Variants in COG5 observed in about 807,000 individuals in gnomAD.
COG5 encodes conserved oligomeric Golgi complex subunit 5.
Under a neutral mutation model 110.4 loss-of-function variants are expected in COG5, and 86 were observed. That is an observed-to-expected ratio of 0.78 (90% CI 0.65 to 0.93). The LOEUF is 0.93. Among genes scored for constraint, COG5 ranks in the 40% least tolerant of loss-of-function variants. The pLI, the probability that COG5 is intolerant of heterozygous loss-of-function variation, is 0.00. For synonymous variants in COG5, 360 were observed against 334.6 expected (o/e 1.08, Z -0.83); for missense variants, 1,077 against 987.0 (o/e 1.09, Z -1.22).
intron 6 of COG5, among the ~76,000 whole-genome samples, chr7:107,419,424 A>G (rs1458975155): frequency 6.6e-6 from 1 of 152,114 alleles, no homozygotes; most frequent in East Asian, 1.9e-4. Flanking sequence ...GAATGAATGA[A>G]TTACAAAAAA....
intron 7 of COG5, among the ~76,000 whole-genome samples, chr7:107,408,491 G>C (rs912625492): frequency 3.3e-5 from 5 of 152,216 alleles, no homozygotes; most frequent in Admixed American, 6.5e-5. Context: ...GAATGAGCTT[G>C]CTCAATATAC....
chr7:107,399,553 C>A (rs1791273209), intron 7 of COG5, among the ~76,000 whole-genome samples: 1 of 152,190 alleles, frequency 6.6e-6, no homozygotes, highest in African/African-American at 2.4e-5. Flanking sequence ...GCCTCATCCC[C>A]TTCTGCCATG....
chr7:107,278,115 C>T (rs903500357), intron 14 of COG5, among the ~76,000 whole-genome samples: 2 of 152,134 alleles, frequency 1.3e-5, no homozygotes, highest in East Asian at 1.9e-4. Context: ...AAAAGCTGTT[C>T]GATGTACATT....
At chr7:107,320,420 T>C (rs149698762) in intron 11 of COG5, among the ~76,000 whole-genome samples, 10 of 152,342 alleles carry the variant, frequency 6.6e-5, no homozygotes, top group African/African-American at 2.4e-4. Flanking sequence ...CAAACATCCA[T>C]GGAAAACTGG....
intron 5 of COG5, among the ~76,000 whole-genome samples, chr7:107,544,345 G>T (rs773519331): frequency 1.3e-5 from 2 of 152,192 alleles, no homozygotes; most frequent in Non-Finnish European, 2.9e-5. Flanking sequence ...CCAAGTGCCA[G>T]GTCAGCTCCC....
chr7:107,201,488 AAG>A lies in COG5; in HGVS notation c.*2026_*2027del. On this transcript the variant is annotated 3_prime_UTR_variant, in exon 22 of 22. Transcript: ENST00000297135. ...TGCATATACATTGACTCTTGATGGAAAGACTTAAGAAGATCAAGGTCTCACCA... is the reference window on the plus strand; with the variant it reads ...TGCATATACATTGACTCTTGATGGAAACTTAAGAAGATCAAGGTCTCACCA... 1 of 1,059,330 alleles carries A rather than the reference AAG, an allele frequency of 9.4e-7. No individual in the cohort carries two copies. The highest frequency in any genetic ancestry group is 1.5e-6 in the Non-Finnish European group (1 of 685,408). The allele number at this position is 1,059,330 out of a possible 1,614,324, so 65.6% of individuals were successfully genotyped here.
intron 6 of COG5, among the ~76,000 whole-genome samples, chr7:107,526,232 A>G (rs979836107): frequency 6.6e-6 from 1 of 152,344 alleles, no homozygotes; most frequent in South Asian, 2.1e-4. Context: ...CTGAGCCTAC[A>G]AAGTACAAAT....
At chr7:107,393,475 G>T (rs1440176225) in intron 7 of COG5, among the ~76,000 whole-genome samples, 1 of 152,198 alleles carries the variant, frequency 6.6e-6, no homozygotes, top group Non-Finnish European at 1.5e-5. Flanking sequence ...TAGACCTACT[G>T]ATTTTATTTT....
intron 6 of COG5, among the ~76,000 whole-genome samples, chr7:107,509,156 G>C (rs574621839): frequency 2.0e-5 from 3 of 152,070 alleles, no homozygotes; most frequent in Non-Finnish European, 4.4e-5. Flanking sequence ...TGAAAAAAAA[G>C]TAGACGAATG....
At chr7:107,304,300 C>T (rs540357173) in intron 11 of COG5, among the ~76,000 whole-genome samples, 4 of 152,236 alleles carry the variant, frequency 2.6e-5, no homozygotes, top group East Asian at 3.9e-4. Context: ...TATTCCAGTA[C>T]CTTCTTTTAT....
At chr7:107,305,609 G>C (rs2116959498) in intron 11 of COG5, among the ~76,000 whole-genome samples, 1 of 152,154 alleles carries the variant, frequency 6.6e-6, no homozygotes, top group South Asian at 2.1e-4. Context: ...CCTCTCACAA[G>C]GCTGTCATCA....
At chr7:107,506,809 C>A (rs983371955) in intron 6 of COG5, among the ~76,000 whole-genome samples, 20 of 152,362 alleles carry the variant, frequency 1.3e-4, no homozygotes, top group Non-Finnish European at 1.6e-4. Flanking sequence ...GGCTACAGGA[C>A]ACTTGCCACT....
chr7:107,518,584 T>C (rs1390568443), intron 6 of COG5, among the ~76,000 whole-genome samples: 1 of 152,070 alleles, frequency 6.6e-6, no homozygotes, highest in African/African-American at 2.4e-5. Flanking sequence ...TAATCATAAA[T>C]GGATCAATTC....
chr7:107,557,104 G>C (rs769797304), intron 2 of COG5, among the ~76,000 whole-genome samples: 2 of 152,062 alleles, frequency 1.3e-5, no homozygotes, highest in Non-Finnish European at 2.9e-5. Flanking sequence ...AATAAAGATT[G>C]AAATCAAATG....
At chr7:107,538,389 A>C (rs762994501) in intron 5 of COG5, among the ~76,000 whole-genome samples, 23 of 152,124 alleles carry the variant, frequency 1.5e-4, no homozygotes, top group Non-Finnish European at 2.5e-4. Flanking sequence ...TATAAAACTC[A>C]ACTGCATTTC....
At chr7:107,439,008 A>G (rs1227782415) in intron 6 of COG5, among the ~76,000 whole-genome samples, 2 of 152,010 alleles carry the variant, frequency 1.3e-5, no homozygotes, top group African/African-American at 2.4e-5. Flanking sequence ...TTTGAATCTC[A>G]TATCATCAAA....
At chr7:107,415,235 T>C (rs1792634279) in intron 6 of COG5, among the ~76,000 whole-genome samples, 1 of 152,122 alleles carries the variant, frequency 6.6e-6, no homozygotes, top group East Asian at 1.9e-4. Flanking sequence ...ATGAGGAGGG[T>C]AAATCTTCAT....
chr7:107,255,455 T>C (rs1192396537), intron 16 of COG5, among the ~76,000 whole-genome samples: 2 of 152,064 alleles, frequency 1.3e-5, no homozygotes, highest in Non-Finnish European at 1.5e-5. Flanking sequence ...TAAATCCTCA[T>C]TCCCTGTAAA....
chr7:107,272,650 T>C (rs1804372808), intron 14 of COG5, among the ~76,000 whole-genome samples: 1 of 152,216 alleles, frequency 6.6e-6, no homozygotes, highest in Non-Finnish European at 1.5e-5. Context: ...TCCTAGGATC[T>C]ACAGATCCCC....
Sources: gnomAD v4.1 joint callset for allele counts (sites outside exome capture counted in the v4.1 genomes callset) on GRCh38, gnomAD v4.1.1 for gene constraint, MANE v1.5 for transcripts, NCBI Gene and HGNC (gene_info 2026-07-23, HGNC 2026-07-21) for gene names.